REV3L: variants seen among roughly 807,000 people sequenced by gnomAD.
REV3L encodes DNA polymerase zeta catalytic subunit.
In REV3L, 69 loss-of-function variants were observed where a neutral mutation model predicts 299.4. The ratio of observed to expected loss-of-function variants is 0.23; its 90% CI spans 0.19 to 0.28. REV3L has a LOEUF of 0.28. REV3L is among the 10% of genes least tolerant of loss of function. The probability of loss-of-function intolerance (pLI) is 1.00; values close to 1 mark genes in which losing one functional copy is unlikely to be tolerated. For missense variants in REV3L, 3,128 were observed against 3,693.8 expected, an observed-to-expected ratio of 0.85 and a Z score of 3.97; for synonymous variants, 1,238 against 1,271.4, an observed-to-expected ratio of 0.97 and a Z score of 0.56.
chr6:111,423,178 C>T (rs971529452), intron 1 of REV3L, among the ~76,000 whole-genome samples: 4 of 152,118 alleles, frequency 2.6e-5, no homozygotes, highest in Non-Finnish European at 5.9e-5. Flanking sequence ...AAGCCACTAA[C>T]TTTATAGTCT....
chr6:111,461,247 A>G (rs1039809873), intron 1 of REV3L, among the ~76,000 whole-genome samples: 2 of 152,070 alleles, frequency 1.3e-5, no homozygotes, highest in African/African-American at 4.8e-5. Context: ...AGACAGTGAT[A>G]TTTATAGCTT....
rs369202334 is a variant in REV3L, at chr6:111,363,990, AACAC to A, written c.6754-16_6754-13del. The A allele has an allele frequency of 3.2e-5, 50 of 1,584,944 alleles. No individual in the cohort carries two copies. Among genetic ancestry groups the A allele is most frequent in the South Asian group, 2.0e-4 (17 of 86,218 alleles). ...GCTGCAAATTGATTCTATAAAAAAA[AACAC>A]ACACACACACAGCCAGAAAAAGATA... On this transcript the variant is annotated splice_polypyrimidine_tract_variant and intron_variant, in intron 15 of 31. Transcript: ENST00000368802.
intron 28 of REV3L, chr6:111,312,317 T>A (rs1293452953): frequency 6.6e-6 from 1 of 152,166 alleles, no homozygotes; most frequent in African/African-American, 2.4e-5. Flanking sequence ...ATTGATAATA[T>A]TCAATCCACT....
At chr6:111,316,604 T>TA (rs1773551063) in intron 26 of REV3L, among the ~76,000 whole-genome samples, 2 of 149,950 alleles carry the variant, frequency 1.3e-5, no homozygotes, top group Non-Finnish European at 1.5e-5. Context: ...AGGCAGAGGT[T>TA]ACAGTGAGCT....
At chr6:111,335,084 A>G (rs1775776615) in intron 22 of REV3L, among the ~76,000 whole-genome samples, 1 of 152,128 alleles carries the variant, frequency 6.6e-6, no homozygotes, top group South Asian at 2.1e-4. Flanking sequence ...TACATAGTCC[A>G]CTTATATTGA....
chr6:111,316,678 G>A (rs542250621), intron 26 of REV3L, among the ~76,000 whole-genome samples: 85 of 137,728 alleles, frequency 6.2e-4, no homozygotes, highest in Non-Finnish European at 5.2e-4. Flanking sequence ...AAAAAAAAAA[G>A]AAAAAAAAAA....
intron 31 of REV3L, 136 bp downstream of exon 31, chr6:111,307,225 T>C: frequency 2.9e-6 from 2 of 698,638 alleles, no homozygotes. Context: ...TTGAGATTTT[T>C]AGGAAGTTTA....
Position 111,367,490 on chromosome 6 carries a change from C to G in REV3L, c.6298G>C (p.Ala2100Pro). The G allele has an allele frequency of 1.9e-6, 3 of 1,608,952 alleles. No individual in the cohort carries two copies. Among genetic ancestry groups the G allele is most frequent in the Non-Finnish European group, 2.6e-6 (3 of 1,176,168 alleles). ...TCTTCATCTTTTTCGGGATCACTTG[C>G]AGAGGCAACTGGTGGCAGCATCTGA... is the stretch of plus-strand genomic sequence containing the variant. The part of the protein sequence containing the change: ...ESQMLPPVAS[A>P]SDPEKDEDDD... The change falls in exon 14 of 32, where the codon GCA becomes CCA. Residue 2100 changes from alanine (A) to proline (P), a missense_variant. Physicochemically the swap from Ala to Pro is conservative, Grantham distance 27. Coordinates refer to ENST00000368802, the MANE Select transcript of REV3L (RefSeq NM_001372078.1).
chr6:111,319,719 T>G (rs1010642551), intron 26 of REV3L, among the ~76,000 whole-genome samples: 39 of 152,284 alleles, frequency 2.6e-4, no homozygotes, highest in African/African-American at 9.4e-4. Flanking sequence ...ATTTTGATGA[T>G]GAGGCAACTA....
chr6:111,390,190 A>T lies in REV3L; in HGVS notation c.663-10T>A. ...TTCCAATATTAAAGAGCTGCAATTAAAGGATATAAAAAACATAATAATTAT... is the reference window on the plus strand; with the variant it reads ...TTCCAATATTAAAGAGCTGCAATTATAGGATATAAAAAACATAATAATTAT... On this transcript the variant is annotated splice_polypyrimidine_tract_variant and intron_variant, in intron 5 of 31. Coordinates refer to ENST00000368802, the MANE Select transcript of REV3L (RefSeq NM_001372078.1). 7.3e-6 allele frequency: 11 copies of T among 1,510,422 alleles called. No homozygotes were observed. The highest frequency in any genetic ancestry group is 1.0e-5 in the Non-Finnish European group (11 of 1,087,446). The allele number at this position is 1,510,422 out of a possible 1,614,324, so 93.6% of individuals were successfully genotyped here.
intron 1 of REV3L, among the ~76,000 whole-genome samples, chr6:111,446,573 C>A (rs17510485): frequency 1.3e-5 from 2 of 152,044 alleles, no homozygotes; most frequent in South Asian, 2.1e-4. Flanking sequence ...AGTTGGCAGG[C>A]GCCTGTAGTC....
At position 111,483,060 on chromosome 6, in the gene REV3L, T is replaced by TGCC; in HGVS notation, c.-175_-173dup. 1 of 758,202 alleles carries TGCC rather than the reference T, an allele frequency of 1.3e-6. No individual in the cohort carries two copies. Among genetic ancestry groups the TGCC allele is most frequent in the East Asian group, 3.4e-5 (1 of 29,618 alleles). 47.0% of individuals were successfully genotyped at this position (758,202 alleles called of 1,614,324 possible). A position where few individuals can be genotyped will look rare whatever the true frequency, so the allele number is the denominator to read the frequency against. ...GCGGGCGGGGCGGTGTAGGCGCTGC[T>TGCC]GCCGCCGCCTCCTCAGGAGCACCCG... On this transcript the variant is annotated 5_prime_UTR_variant, in exon 1 of 32. Transcript: ENST00000368802.
intron 1 of REV3L, among the ~76,000 whole-genome samples, chr6:111,476,731 C>A (rs1051565057): frequency 9.2e-5 from 14 of 152,136 alleles, no homozygotes; most frequent in African/African-American, 3.4e-4. Context: ...ATAATACAAC[C>A]AGAAATTACT....
At position 111,378,582 on chromosome 6, in the gene REV3L, C is replaced by A. The variant is rs1172713787; in HGVS notation, c.1455-739G>T. ...ATGCGAAAACCTCATTTTTAACGAA[C>A]CTGACACAATCTCTGTTTTTACATA... On this transcript the variant is annotated intron_variant, in intron 11 of 31. Coordinates refer to ENST00000368802, the MANE Select transcript of REV3L (RefSeq NM_001372078.1). Among the ~76,000 whole-genome samples, 5 of 152,262 alleles carry A rather than the reference C, an allele frequency of 3.3e-5. No homozygotes were observed. In the East Asian group the frequency reaches 7.7e-4, roughly 24 times the overall value.
chr6:111,483,689 G>A, upstream of REV3L: 1 of 388,356 alleles, frequency 2.6e-6, no homozygotes, highest in South Asian at 1.7e-5. Flanking sequence ...CCCGCGTGAG[G>A]AGGGAGGCGA....
intron 1 of REV3L, among the ~76,000 whole-genome samples, chr6:111,422,663 CATATATATATATATACGT>C (rs1562287914): frequency 0.013 from 238 of 17,870 alleles, 30 homozygotes; most frequent in Non-Finnish European, 0.023. Flanking sequence ...TATATATATA[CATATATATATATATACGT>C]ATATATATAT....
chr6:111,369,279 C>T (rs1582717540), intron 13 of REV3L, among the ~76,000 whole-genome samples: 1 of 69,394 alleles, frequency 1.4e-5, no homozygotes, highest in Admixed American at 2.2e-4. Flanking sequence ...CAGACTCTGT[C>T]TCAAAAAAAA....
At position 111,380,230 on chromosome 6, in the gene REV3L, A is replaced by G; in HGVS notation, c.1217-11T>C. On this transcript the variant is annotated splice_polypyrimidine_tract_variant and intron_variant, in intron 10 of 31. Coordinates refer to ENST00000368802, the MANE Select transcript of REV3L (RefSeq NM_001372078.1). ...CAGGACTACTGTCCACTATAAAACAAGTACAATAATCACCAACAAATAAGT... is the reference window on the plus strand; with the variant it reads ...CAGGACTACTGTCCACTATAAAACAGGTACAATAATCACCAACAAATAAGT... 1 of 1,546,318 alleles carries G rather than the reference A, an allele frequency of 6.5e-7. No homozygotes were observed.
chr6:111,359,519 T>TG (rs1276050513), intron 16 of REV3L, among the ~76,000 whole-genome samples: 1 of 21,486 alleles, frequency 4.7e-5, no homozygotes, highest in African/African-American at 1.3e-4. Flanking sequence ...TAGTTTTTCC[T>TG]GAAAAAAAAA....
Sources: gnomAD v4.1 joint callset for allele counts (sites outside exome capture counted in the v4.1 genomes callset) on GRCh38, gnomAD v4.1.1 for gene constraint, MANE v1.5 for transcripts, NCBI Gene and HGNC (gene_info 2026-07-23, HGNC 2026-07-21) for gene names.